Variants in PEX2 observed in about 807,000 individuals in gnomAD.
PEX2 encodes peroxisomal biogenesis factor 2, also known as peroxisome biogenesis factor 2.
PEX2 carries 19 observed loss-of-function variants against 25.2 expected under a neutral mutation model. The ratio of observed to expected loss-of-function variants is 0.75; its 90% CI spans 0.53 to 1.10. PEX2 has a LOEUF of 1.10. Ranked by LOEUF, PEX2 falls within the 50% of genes least tolerant of loss-of-function variation. The pLI, the probability that PEX2 is intolerant of heterozygous loss-of-function variation, is 0.00. For synonymous variants in PEX2, 141 were observed against 127.7 expected (o/e 1.10, Z -0.70); for missense variants, 347 against 350.6 (o/e 0.99, Z 0.08).
At position 76,983,181 on chromosome 8, in the gene PEX2, T is replaced by G. The variant is rs182029844; in HGVS notation, c.*80A>C. The G allele has an allele frequency of 3.8e-6, 6 of 1,598,132 alleles. No homozygotes were observed. In the Admixed American group the frequency reaches 1.0e-4, roughly 27 times the overall value. ...GAGCACATTCCTTATAAAGGATACA[T>G]AAATGGTATACTTAGGATGACTAAT... On this transcript the variant is annotated 3_prime_UTR_variant, in exon 4 of 4. Transcript: ENST00000357039.
Position 76,980,916 on chromosome 8 carries a change from T to A in PEX2, c.*2345A>T, listed in dbSNP as rs1254958718. On this transcript the variant is annotated 3_prime_UTR_variant, in exon 4 of 4. Coordinates refer to ENST00000357039, the MANE Select transcript of PEX2 (RefSeq NM_000318.3). ...AGGTTATACACAAGTGGGATTTGAATTCTAGCGGAATCTGTGTCCCTCATG... is the reference window on the plus strand; with the variant it reads ...AGGTTATACACAAGTGGGATTTGAAATCTAGCGGAATCTGTGTCCCTCATG... The A allele has an allele frequency of 6.6e-6, 1 of 152,218 alleles. No individual in the cohort carries two copies. The highest frequency in any genetic ancestry group is 2.4e-5 in the African/African-American group (1 of 41,454). 9.4% of individuals were successfully genotyped at this position (152,218 alleles called of 1,614,324 possible).
chr8:76,989,642 C>T (rs1807107166), intron 1 of PEX2, among the ~76,000 whole-genome samples: 2 of 152,210 alleles, frequency 1.3e-5, no homozygotes, highest in Non-Finnish European at 2.9e-5. Flanking sequence ...TTCGTCAGAG[C>T]TCTTGGGTGA....
chr8:76,999,545 T>C (rs1807432915), intron 1 of PEX2, among the ~76,000 whole-genome samples: 1 of 152,222 alleles, frequency 6.6e-6, no homozygotes, highest in Non-Finnish European at 1.5e-5. Flanking sequence ...CTTTCAACAG[T>C]GTTAGAAAAC....
intron 1 of PEX2, among the ~76,000 whole-genome samples, chr8:76,989,385 C>T (rs1465418223): frequency 6.6e-6 from 1 of 152,146 alleles, no homozygotes; most frequent in Non-Finnish European, 1.5e-5. Context: ...AACTCCTGTT[C>T]ATGTTGATAT....
At chr8:77,000,321 G>A, upstream of PEX2, 1 of 288,620 alleles carries the variant, frequency 3.5e-6, no homozygotes, top group Non-Finnish European at 6.8e-6. Context: ...ATTGGCAGGA[G>A]AGTCACGAAC....
At chr8:76,985,160 C>T (rs1166439017) in intron 3 of PEX2, among the ~76,000 whole-genome samples, 1 of 108,840 alleles carries the variant, frequency 9.2e-6, no homozygotes, top group East Asian at 2.7e-4. Flanking sequence ...TATTAACTGG[C>T]AAATCCACCC....
At chr8:77,000,363 G>A (rs1310777827), upstream of PEX2, 1 of 231,404 alleles carries the variant, frequency 4.3e-6, no homozygotes, top group Non-Finnish European at 8.7e-6. Context: ...CCGCAAGTGA[G>A]GACACTACAA....
At chr8:76,985,175 CAAAA>C (rs34238954) in intron 3 of PEX2, among the ~76,000 whole-genome samples, 10 of 138,728 alleles carry the variant, frequency 7.2e-5, no homozygotes, top group Admixed American at 1.4e-4. Context: ...CCACCCATGA[CAAAA>C]AAAAAAAAAA....
intron 1 of PEX2, 30 bp from the exon 2 acceptor site, chr8:76,988,368 A>T (rs1807065433): frequency 6.6e-6 from 1 of 152,286 alleles, no homozygotes; most frequent in Non-Finnish European, 1.5e-5. Flanking sequence ...ACAATAAAGT[A>T]AGTTACACAA....
chr8:77,000,651 T>A (rs16939395), upstream of PEX2, among the ~76,000 whole-genome samples: 45,693 of 152,012 alleles, frequency 0.3, 7,845 homozygotes, highest in East Asian at 0.47. Flanking sequence ...ATAGGCTGTT[T>A]ATCTCTGCAG....
At chr8:77,000,784 C>T (rs1278537004), upstream of PEX2, 3 of 152,594 alleles carry the variant, frequency 2.0e-5, no homozygotes, top group South Asian at 2.1e-4. Context: ...GCCCTCACAT[C>T]TCCCCGGTAA....
rs118071051 is a variant in PEX2 at position 76,991,439 on chromosome 8, G to A, written c.-159-3101C>T. On this transcript the variant is annotated intron_variant, in intron 1 of 3. Transcript: ENST00000357039. ...CAGCTGGGTTTGCTCTCCTCCCTAC[G>A]TAAGACTCTTTAATAGACCAAAAGA... 7.3e-4 allele frequency among the ~76,000 whole-genome samples: 111 copies of A among 152,136 alleles called. 1 individual carries two copies. In the East Asian group the frequency reaches 0.019, roughly 26 times the overall value.
chr8:76,992,875 G>C (rs1807214392), intron 1 of PEX2, among the ~76,000 whole-genome samples: 3 of 152,180 alleles, frequency 2.0e-5, no homozygotes, highest in Non-Finnish European at 4.4e-5. Context: ...AGTGAAGAAT[G>C]GATCCCAAAA....
intron 1 of PEX2, among the ~76,000 whole-genome samples, chr8:76,990,570 A>G (rs552345194): frequency 6.6e-6 from 1 of 152,286 alleles, no homozygotes; most frequent in South Asian, 2.1e-4. Context: ...AGGCCATTGT[A>G]GGCTTATCTT....
chr8:76,987,829 C>T (rs757098923), intron 2 of PEX2: 1 of 151,964 alleles, frequency 6.6e-6, no homozygotes, highest in African/African-American at 2.4e-5. Flanking sequence ...GTCCCTGAAA[C>T]AAGAAATACA....
intron 1 of PEX2, among the ~76,000 whole-genome samples, chr8:76,995,594 C>T (rs1310731515): frequency 2.0e-5 from 3 of 151,992 alleles, no homozygotes; most frequent in East Asian, 1.9e-4. Flanking sequence ...ATCTCATACA[C>T]AATATAGTTA....
upstream of PEX2, chr8:77,000,246 C>G (rs1468135888): frequency 1.0e-5 from 3 of 299,806 alleles, no homozygotes; most frequent in South Asian, 2.7e-5. Context: ...GCCGAAGGGC[C>G]GAAAAGCCGA....
intron 1 of PEX2, among the ~76,000 whole-genome samples, chr8:76,990,990 G>A (rs1042293248): frequency 1.3e-5 from 2 of 152,280 alleles, no homozygotes; most frequent in East Asian, 1.9e-4. Context: ...AAAATATAAC[G>A]AGGTGTGAAC....
At chr8:76,986,330 G>C (rs911209787) in intron 2 of PEX2, 34 bp from the exon 3 acceptor site, 1 of 152,180 alleles carries the variant, frequency 6.6e-6, no homozygotes, top group South Asian at 2.1e-4. Flanking sequence ...TTAAAAGGGA[G>C]TTCCCTTTCC....
Sources: gnomAD v4.1 joint callset for allele counts (sites outside exome capture counted in the v4.1 genomes callset) on GRCh38, gnomAD v4.1.1 for gene constraint, MANE v1.5 for transcripts, NCBI Gene and HGNC (gene_info 2026-07-23, HGNC 2026-07-21) for gene names.